EPHA3: variants seen among roughly 807,000 people sequenced by gnomAD.
EPHA3 encodes the protein EPH receptor A3, also known as ephrin type-A receptor 3.
In EPHA3, 42 loss-of-function variants were observed where a neutral mutation model predicts 107.1. The observed-to-expected ratio is 0.39, with a 90% CI of 0.31 to 0.51. The LOEUF is 0.51. EPHA3 is among the 20% of genes least tolerant of loss of function. The probability of loss-of-function intolerance (pLI) is 0.78; values close to 1 mark genes in which losing one functional copy is unlikely to be tolerated. For missense variants in EPHA3, 1,183 were observed against 1,211.2 expected, an observed-to-expected ratio of 0.98 and a Z score of 0.35; for synonymous variants, 461 against 424.8, an observed-to-expected ratio of 1.09 and a Z score of -1.05.
intron 2 of EPHA3, among the ~76,000 whole-genome samples, chr3:89,151,183 C>T (rs1207196351): frequency 2.6e-5 from 4 of 151,994 alleles, no homozygotes; most frequent in Non-Finnish European, 5.9e-5. Context: ...TATGTGCCGT[C>T]GAAAGCCATG....
At chr3:89,242,261 A>T (rs1211233200) in intron 3 of EPHA3, among the ~76,000 whole-genome samples, 2 of 152,230 alleles carry the variant, frequency 1.3e-5, no homozygotes, top group South Asian at 2.1e-4. Context: ...TAAAATCCAT[A>T]GACCATTTCC....
At chr3:89,269,107 A>G (rs1162591565) in intron 3 of EPHA3, among the ~76,000 whole-genome samples, 1 of 152,158 alleles carries the variant, frequency 6.6e-6, no homozygotes, top group East Asian at 1.9e-4. Flanking sequence ...CTACTGACCA[A>G]TAAGATCTTT....
chr3:89,297,282 A>G (rs1706376649), intron 3 of EPHA3, among the ~76,000 whole-genome samples: 1 of 152,120 alleles, frequency 6.6e-6, no homozygotes, highest in Non-Finnish European at 1.5e-5. Context: ...GAGCTTAATC[A>G]TTCTAGTTTT....
At chr3:89,109,858 TC>T (rs1217761997) in intron 1 of EPHA3, among the ~76,000 whole-genome samples, 8 of 152,148 alleles carry the variant, frequency 5.3e-5, no homozygotes, top group Non-Finnish European at 1.2e-4. Flanking sequence ...CCAGATTGTG[TC>T]CTATGGGTAG....
chr3:89,200,328 ATATCCAAAATT>A (rs1489549966), intron 2 of EPHA3, among the ~76,000 whole-genome samples: 1 of 152,212 alleles, frequency 6.6e-6, no homozygotes, highest in African/African-American at 2.4e-5. Flanking sequence ...ATGTTTTGGT[ATATCCAAAATT>A]CTAAGATAAG....
chr3:89,267,593 G>A (rs908326740), intron 3 of EPHA3, among the ~76,000 whole-genome samples: 1 of 152,118 alleles, frequency 6.6e-6, no homozygotes, highest in African/African-American at 2.4e-5. Context: ...CTTCACCATG[G>A]AGGAAGCTAC....
chr3:89,418,320 A>G (rs1709287254), intron 10 of EPHA3, among the ~76,000 whole-genome samples: 1 of 151,454 alleles, frequency 6.6e-6, no homozygotes, highest in Admixed American at 6.6e-5. Flanking sequence ...TAGAACTCCC[A>G]TGTGGCAATC....
At chr3:89,443,295 T>A (rs185094555) in intron 13 of EPHA3, among the ~76,000 whole-genome samples, 115 of 152,272 alleles carry the variant, frequency 7.6e-4, no homozygotes, top group African/African-American at 2.6e-3. Flanking sequence ...AAACACATAA[T>A]CCATACAACA....
chr3:89,375,292 T>A (rs1163562546), intron 5 of EPHA3, among the ~76,000 whole-genome samples: 1 of 151,630 alleles, frequency 6.6e-6, no homozygotes, highest in Non-Finnish European at 1.5e-5. Flanking sequence ...TGATGCAAGG[T>A]CTCTTAGTTT....
intron 5 of EPHA3, among the ~76,000 whole-genome samples, chr3:89,384,327 T>C (rs1018349868): frequency 6.6e-5 from 10 of 152,142 alleles, no homozygotes; most frequent in African/African-American, 2.4e-4. Context: ...TTAATGTTCT[T>C]ACCCAAGATT....
At chr3:89,320,811 AT>A (rs1403167103) in intron 3 of EPHA3, among the ~76,000 whole-genome samples, 6 of 152,046 alleles carry the variant, frequency 3.9e-5, no homozygotes, top group Admixed American at 3.3e-4. Context: ...ATTCACCAAA[AT>A]TACCCTATTC....
chr3:89,225,487 C>T (rs532160271), intron 3 of EPHA3, among the ~76,000 whole-genome samples: 14 of 152,278 alleles, frequency 9.2e-5, no homozygotes, highest in Admixed American at 3.9e-4. Flanking sequence ...CTATTGTGTT[C>T]TCTAAGATGG....
chr3:89,456,168 G>A (rs559552407), intron 15 of EPHA3, among the ~76,000 whole-genome samples: 3 of 152,184 alleles, frequency 2.0e-5, no homozygotes, highest in African/African-American at 4.8e-5. Flanking sequence ...TAAAAGCCTA[G>A]ACCTGTTCTC....
intron 3 of EPHA3, among the ~76,000 whole-genome samples, chr3:89,231,566 C>T (rs1459316267): frequency 1.3e-5 from 2 of 152,094 alleles, no homozygotes; most frequent in Admixed American, 6.6e-5. Context: ...TAGAATAGTG[C>T]TTTTCAAACA....
At chr3:89,241,713 G>A (rs947672059) in intron 3 of EPHA3, among the ~76,000 whole-genome samples, 1 of 152,024 alleles carries the variant, frequency 6.6e-6, no homozygotes, top group Non-Finnish European at 1.5e-5. Context: ...CCCCCTGCAT[G>A]ATTTTAAGAG....
intron 2 of EPHA3, among the ~76,000 whole-genome samples, chr3:89,197,894 T>C (rs1705875053): frequency 6.6e-6 from 1 of 152,080 alleles, no homozygotes; most frequent in Non-Finnish European, 1.5e-5. Context: ...GAGAATCGCT[T>C]GAACCTGGGA....
chr3:89,293,109 C>A (rs764718480), intron 3 of EPHA3, among the ~76,000 whole-genome samples: 1 of 151,988 alleles, frequency 6.6e-6, no homozygotes, highest in African/African-American at 2.4e-5. Flanking sequence ...TGTTGAGTGT[C>A]ATTTCGTGTG....
chr3:89,156,012 C>T (rs571276192), intron 2 of EPHA3, among the ~76,000 whole-genome samples: 1 of 152,096 alleles, frequency 6.6e-6, no homozygotes, highest in East Asian at 1.9e-4. Flanking sequence ...ATGTGATGAA[C>T]AGTGTGGTGA....
chr3:89,272,516 T>G (rs938803691), intron 3 of EPHA3, among the ~76,000 whole-genome samples: 8 of 151,912 alleles, frequency 5.3e-5, no homozygotes, highest in Non-Finnish European at 1.0e-4. Context: ...CCATTAAGAG[T>G]TGTTAAAATG....
Sources: allele counts gnomAD v4.1 joint callset (sites outside exome capture counted in the v4.1 genomes callset), GRCh38; gene constraint gnomAD v4.1.1; transcripts MANE v1.5; gene names NCBI Gene and HGNC (gene_info 2026-07-23, HGNC 2026-07-21).